Variants in MTARC2 observed in about 807,000 individuals in gnomAD.
The protein encoded by MTARC2 is mitochondrial amidoxime reducing component 2.
A neutral mutation model predicts 35.6 loss-of-function variants in MTARC2; 27 were observed. That is an observed-to-expected ratio of 0.76 (90% CI 0.56 to 1.04). The LOEUF is 1.04. Ranked by LOEUF, MTARC2 falls within the 50% of genes least tolerant of loss-of-function variation. The pLI is 0.00. For missense variants in MTARC2, 412 were observed against 432.5 expected, an observed-to-expected ratio of 0.95 and a Z score of 0.42; for synonymous variants, 158 against 167.1, an observed-to-expected ratio of 0.95 and a Z score of 0.42.
rs757887186 is a variant in MTARC2 at position 220,762,932 on chromosome 1, C to T, written c.632C>T (p.Pro211Leu). ...NFQVAYPDYC[P>L]LLIMTDASLV... ...AAGGTGGCCTACCCAGACTACTGCC[C>T]GCTCCTGATCATGACAGATGCCTCC... Residue 211 changes from proline to leucine, a missense_variant, in exon 4 of 8, where the codon CCG becomes CTG. Transcript: ENST00000366913. 1.8e-5 allele frequency: 29 copies of T among 1,614,010 alleles called. No homozygotes were observed. Among genetic ancestry groups the T allele is most frequent in the Middle Eastern group, 1.6e-4 (1 of 6,084 alleles).
At chr1:220,779,829 G>T in intron 4 of MTARC2, 189 bp from the exon 5 acceptor site, 1 of 453,246 alleles carries the variant, frequency 2.2e-6, no homozygotes, top group Non-Finnish European at 3.9e-6. Flanking sequence ...GAGACTGGGA[G>T]TCAAGAGGTG....
rs906159446 is a variant in MTARC2 at position 220,748,506 on chromosome 1, C to A, written c.-26C>A. Reference sequence around the variant, plus strand: ...TCCGGTCGCTGCCGGGTCTGTGCGCCGGTCCGCGCCCGCCCTCGCTCTGCC... The same window carrying A: ...TCCGGTCGCTGCCGGGTCTGTGCGCAGGTCCGCGCCCGCCCTCGCTCTGCC... On this transcript the variant is annotated 5_prime_UTR_variant, in exon 1 of 8. Transcript: ENST00000366913. The A allele has an allele frequency of 4.1e-5, 57 of 1,374,392 alleles. No homozygotes were observed. The African/African-American group carries it at 7.5e-4, about 18-fold the overall frequency. 85.1% of individuals were successfully genotyped at this position (1,374,392 alleles called of 1,614,324 possible). A position where few individuals can be genotyped will look rare whatever the true frequency, so the allele number is the denominator to read the frequency against.
chr1:220,757,621 C>T (rs558184691), intron 2 of MTARC2, among the ~76,000 whole-genome samples: 7 of 152,218 alleles, frequency 4.6e-5, no homozygotes, highest in Admixed American at 2.6e-4. Context: ...GGCCACTTCT[C>T]GTTATGTCCT....
intron 1 of MTARC2, among the ~76,000 whole-genome samples, chr1:220,750,492 C>T (rs372431199): frequency 1.3e-5 from 2 of 152,200 alleles, no homozygotes; most frequent in Admixed American, 6.5e-5. Context: ...AAAGAAAATA[C>T]GTGTCCTTTG....
intron 4 of MTARC2, among the ~76,000 whole-genome samples, chr1:220,763,862 T>G (rs1671505054): frequency 6.6e-6 from 1 of 152,184 alleles, no homozygotes; most frequent in Admixed American, 6.5e-5. Context: ...TGTCTCCTTT[T>G]TATAAGGAAA....
intron 7 of MTARC2, 108 bp from the exon 8 acceptor site, chr1:220,783,811 A>T: frequency 1.4e-6 from 1 of 708,376 alleles, no homozygotes; most frequent in South Asian, 1.5e-5. Flanking sequence ...ACTGCACCAT[A>T]CATTTATATG....
intron 4 of MTARC2, among the ~76,000 whole-genome samples, chr1:220,765,264 G>A (rs1412940052): frequency 6.6e-6 from 1 of 152,156 alleles, no homozygotes; most frequent in Non-Finnish European, 1.5e-5. Flanking sequence ...CATGAATAAA[G>A]GGGTGCTTGG....
chr1:220,770,697 A>G (rs940990910), intron 4 of MTARC2: 3 of 429,510 alleles, frequency 7.0e-6, no homozygotes, highest in South Asian at 2.0e-4. Context: ...TGGGAATTCA[A>G]TTGGTAGCTG....
intron 4 of MTARC2, among the ~76,000 whole-genome samples, chr1:220,771,606 GC>G (rs1671746261): frequency 6.6e-6 from 1 of 152,100 alleles, no homozygotes. Flanking sequence ...ATTTCAAGAA[GC>G]TTTTCAGATA....
At chr1:220,750,854 T>C (rs534574694) in intron 1 of MTARC2, among the ~76,000 whole-genome samples, 5 of 152,208 alleles carry the variant, frequency 3.3e-5, no homozygotes, top group East Asian at 1.9e-4. Context: ...ACAGAACTTA[T>C]GCTGTTTGTA....
At chr1:220,754,802 C>A in intron 1 of MTARC2, 145 bp from the exon 2 acceptor site, 3 of 806,636 alleles carry the variant, frequency 3.7e-6, no homozygotes, top group Non-Finnish European at 5.8e-6. Flanking sequence ...AATCATTTGG[C>A]CAGACCTGGA....
intron 2 of MTARC2, among the ~76,000 whole-genome samples, chr1:220,755,429 G>T (rs974147412): frequency 6.6e-6 from 1 of 152,204 alleles, no homozygotes; most frequent in South Asian, 2.1e-4. Flanking sequence ...GCCACGCAAG[G>T]CCAAGTGGGG....
At chr1:220,767,978 G>A (rs1012807351) in intron 4 of MTARC2, among the ~76,000 whole-genome samples, 1 of 152,208 alleles carries the variant, frequency 6.6e-6, no homozygotes, top group South Asian at 2.1e-4. Context: ...TAACAAGTCC[G>A]TTTTCTGGTG....
At chr1:220,748,952 G>T in intron 1 of MTARC2, 149 bp downstream of exon 1, 1 of 1,094,984 alleles carries the variant, frequency 9.1e-7, no homozygotes, top group Non-Finnish European at 1.2e-6. Context: ...TCGTTTATCT[G>T]GGAAGGCCAA....
At chr1:220,763,913 A>G (rs1671506568) in intron 4 of MTARC2, among the ~76,000 whole-genome samples, 1 of 152,212 alleles carries the variant, frequency 6.6e-6, no homozygotes, top group African/African-American at 2.4e-5. Flanking sequence ...TAGCAGAGAA[A>G]TGGTGACTGG....
intron 2 of MTARC2, among the ~76,000 whole-genome samples, chr1:220,757,923 C>T (rs1489082118): frequency 6.6e-6 from 1 of 152,184 alleles, no homozygotes; most frequent in African/African-American, 2.4e-5. Flanking sequence ...AGTCCCTTCA[C>T]AGACATTTGG....
At chr1:220,762,391 A>G (rs1671463824) in intron 3 of MTARC2, among the ~76,000 whole-genome samples, 1 of 152,218 alleles carries the variant, frequency 6.6e-6, no homozygotes, top group African/African-American at 2.4e-5. Flanking sequence ...TGATTCTGCC[A>G]TGAGCTAAGG....
At chr1:220,778,661 A>G (rs970830329) in intron 4 of MTARC2, among the ~76,000 whole-genome samples, 4 of 152,212 alleles carry the variant, frequency 2.6e-5, no homozygotes, top group Non-Finnish European at 5.9e-5. Context: ...TGAAGGAGTT[A>G]AGATCACATG....
chr1:220,762,794 A>T, intron 3 of MTARC2, 116 bp from the exon 4 acceptor site: 1 of 1,105,230 alleles, frequency 9.0e-7, no homozygotes, highest in Non-Finnish European at 1.3e-6. Flanking sequence ...CTTCCTGAAC[A>T]CTGCTCCCCT....
Sources: gnomAD v4.1 joint callset for allele counts (sites outside exome capture counted in the v4.1 genomes callset) on GRCh38, gnomAD v4.1.1 for gene constraint, MANE v1.5 for transcripts, NCBI Gene and HGNC (gene_info 2026-07-23, HGNC 2026-07-21) for gene names.